Variants in AK8 observed in about 807,000 individuals in gnomAD.
AK8 encodes the protein ATP-AMP transphosphorylase 8.
Under a neutral mutation model 54.6 loss-of-function variants are expected in AK8, and 44 were observed. The observed-to-expected ratio is 0.81, with a 90% CI of 0.63 to 1.04. The LOEUF is 1.04. Ranked by LOEUF, AK8 falls within the 50% of genes least tolerant of loss-of-function variation. The pLI is 0.00. For missense variants in AK8, 555 were observed against 613.6 expected (o/e 0.90, Z 1.01); for synonymous variants, 239 against 245.6 (o/e 0.97, Z 0.25).
At chr9:132,846,276 G>A (rs1479838992) in intron 5 of AK8, among the ~76,000 whole-genome samples, 1 of 152,236 alleles carries the variant, frequency 6.6e-6, no homozygotes, top group Non-Finnish European at 1.5e-5. Context: ...GTGTGGGGTG[G>A]ATGGGGCAGA....
At chr9:132,779,893 A>T (rs192692992) in intron 11 of AK8, among the ~76,000 whole-genome samples, 1 of 152,312 alleles carries the variant, frequency 6.6e-6, no homozygotes, top group African/African-American at 2.4e-5. Flanking sequence ...GCCTGGAGCA[A>T]GGACATGGCT....
At chr9:132,817,736 T>C (rs1008341711) in intron 9 of AK8, among the ~76,000 whole-genome samples, 5 of 151,980 alleles carry the variant, frequency 3.3e-5, no homozygotes, top group Admixed American at 2.0e-4. Flanking sequence ...TAGAGGACAA[T>C]ACCAGACAGT....
intron 10 of AK8, among the ~76,000 whole-genome samples, chr9:132,812,564 G>GGGATGATGGGTGA (rs1564415185): frequency 1.9e-4 from 2 of 10,776 alleles, no homozygotes; most frequent in Admixed American, 9.5e-4. Flanking sequence ...CGCCGCGCCC[G>GGGATGATGGGTGA]GCCGCTAGGT....
At chr9:132,878,397 C>A (rs570701949), upstream of AK8, 2 of 1,242,120 alleles carry the variant, frequency 1.6e-6, no homozygotes, top group African/African-American at 1.6e-5. This position sits in a 1 kb window ranked among gnomAD's most constrained non-coding sequence, Gnocchi z 4.7. Context: ...GCGGGTCGCC[C>A]CCGCCCCGAC....
chr9:132,821,002 G>A (rs1841573459), intron 9 of AK8, among the ~76,000 whole-genome samples: 1 of 152,008 alleles, frequency 6.6e-6, no homozygotes, highest in African/African-American at 2.4e-5. Flanking sequence ...TTATCTAAAA[G>A]AGCCCCATCA....
At chr9:132,852,338 G>A (rs764479012) in intron 5 of AK8, among the ~76,000 whole-genome samples, 24 of 152,136 alleles carry the variant, frequency 1.6e-4, no homozygotes, top group Admixed American at 3.9e-4. Flanking sequence ...GGCCGGGCGC[G>A]GTGGCTCATG....
chr9:132,753,532 G>A (rs1318788395), intron 11 of AK8, among the ~76,000 whole-genome samples: 1 of 152,252 alleles, frequency 6.6e-6, no homozygotes, highest in East Asian at 1.9e-4. Flanking sequence ...GAGTGTGGGG[G>A]CTGAAGCCAT....
chr9:132,875,608 C>T (rs573071751), intron 1 of AK8, among the ~76,000 whole-genome samples: 1 of 152,348 alleles, frequency 6.6e-6, no homozygotes, highest in South Asian at 2.1e-4. Context: ...AACTTCTGCT[C>T]AGTCTCAGAT....
intron 11 of AK8, among the ~76,000 whole-genome samples, chr9:132,776,844 T>C (rs1468385419): frequency 2.0e-5 from 3 of 152,188 alleles, no homozygotes; most frequent in Non-Finnish European, 4.4e-5. Context: ...TCACGGGCAA[T>C]TTACTAAGCC....
chr9:132,866,391 A>C (rs1843599327), intron 3 of AK8, among the ~76,000 whole-genome samples: 1 of 152,200 alleles, frequency 6.6e-6, no homozygotes, highest in Non-Finnish European at 1.5e-5. Context: ...TGAGGAGAGA[A>C]CAAACAAAGC....
At chr9:132,849,110 A>G (rs1255139501) in intron 5 of AK8, among the ~76,000 whole-genome samples, 2 of 151,890 alleles carry the variant, frequency 1.3e-5, no homozygotes, top group African/African-American at 4.8e-5. Context: ...AGGTTTCACC[A>G]TGTTAGCCAG....
chr9:132,835,542 C>A (rs545026460), intron 5 of AK8, among the ~76,000 whole-genome samples: 1 of 152,206 alleles, frequency 6.6e-6, no homozygotes, highest in Non-Finnish European at 1.5e-5. Flanking sequence ...CTTGTAACGG[C>A]GGAAAGCAGT....
intron 11 of AK8, 48 bp downstream of exon 11, chr9:132,792,586 G>T (rs1040708790): frequency 3.0e-5 from 46 of 1,528,624 alleles, no homozygotes; most frequent in Non-Finnish European, 4.0e-5. Flanking sequence ...TGGAGAGGGG[G>T]TGCCCAGGGG....
chr9:132,774,477 A>C (rs959739332), intron 11 of AK8, among the ~76,000 whole-genome samples: 2 of 152,202 alleles, frequency 1.3e-5, no homozygotes, highest in Admixed American at 6.5e-5. Context: ...GCAGAGGCTC[A>C]AGCTTTTAAA....
At chr9:132,871,477 C>T (rs747113113) in intron 2 of AK8, among the ~76,000 whole-genome samples, 21 of 152,114 alleles carry the variant, frequency 1.4e-4, no homozygotes, top group Non-Finnish European at 2.2e-4. Flanking sequence ...TGAGGGCCTG[C>T]GGTGGAGTGC....
At chr9:132,786,764 A>T (rs900063489) in intron 11 of AK8, among the ~76,000 whole-genome samples, 6 of 152,212 alleles carry the variant, frequency 3.9e-5, no homozygotes, top group Non-Finnish European at 7.3e-5. Context: ...TAAGGGTAAA[A>T]AAAGACTCTG....
intron 11 of AK8, among the ~76,000 whole-genome samples, chr9:132,773,873 A>G (rs942979159): frequency 1.3e-5 from 2 of 152,240 alleles, no homozygotes; most frequent in African/African-American, 4.8e-5. Context: ...TAAAAAGATA[A>G]GATTTGTATG....
intron 11 of AK8, among the ~76,000 whole-genome samples, chr9:132,741,478 C>CA (rs555205450): frequency 3.2e-4 from 48 of 152,270 alleles, no homozygotes; most frequent in East Asian, 2.7e-3. Context: ...AACAGCCCCC[C>CA]AAAAACAGCT....
Position 132,878,152 on chromosome 9 carries a change from G to A in AK8, c.84+20C>T. On this transcript the variant is annotated intron_variant, in intron 1 of 12. Transcript: ENST00000298545. This position sits in a 1 kb window ranked among gnomAD's most constrained non-coding sequence, Gnocchi z 4.7. ...CCCGAGCCGCCGCCAGCGTCGCGAC[G>A]GGCAGGGGTGTCCGGTCACCTGCAT... 1 of 1,528,300 alleles carries A rather than the reference G, an allele frequency of 6.5e-7. No individual in the cohort carries two copies. The highest frequency in any genetic ancestry group is 8.8e-7 in the Non-Finnish European group (1 of 1,137,422). The allele number at this position is 1,528,300 out of a possible 1,614,324, so 94.7% of individuals were successfully genotyped here. A position where few individuals can be genotyped will look rare whatever the true frequency, so the allele number is the denominator to read the frequency against.
Sources: allele counts gnomAD v4.1 joint callset (sites outside exome capture counted in the v4.1 genomes callset), GRCh38; gene constraint gnomAD v4.1.1; non-coding constraint Gnocchi (gnomAD v3.1); transcripts MANE v1.5; gene names NCBI Gene and HGNC (gene_info 2026-07-23, HGNC 2026-07-21).